Variants in RIMS1 observed in about 807,000 individuals in gnomAD.
RIMS1 encodes regulating synaptic membrane exocytosis protein 1.
A neutral mutation model predicts 214.1 loss-of-function variants in RIMS1; 83 were observed. The ratio of observed to expected loss-of-function variants is 0.39; its 90% CI spans 0.32 to 0.47. RIMS1 has a LOEUF of 0.47. RIMS1 is among the 20% of genes least tolerant of loss of function. The pLI is 0.99. For synonymous variants in RIMS1, 793 were observed against 786.8 expected, an observed-to-expected ratio of 1.01 and a Z score of -0.13; for missense variants, 2,050 against 2,161.8, an observed-to-expected ratio of 0.95 and a Z score of 1.03.
At chr6:72,359,401 G>C (rs1164291000) in intron 29 of RIMS1, among the ~76,000 whole-genome samples, 1 of 152,090 alleles carries the variant, frequency 6.6e-6, no homozygotes, top group Non-Finnish European at 1.5e-5. Context: ...GTCAAACATT[G>C]GTTATTAGGG....
At chr6:71,888,647 G>A (rs893585539) in intron 1 of RIMS1, among the ~76,000 whole-genome samples, 3 of 152,210 alleles carry the variant, frequency 2.0e-5, no homozygotes, top group Non-Finnish European at 4.4e-5. Context: ...AGATAGGGGA[G>A]GGGGATACTG....
At chr6:72,365,971 A>G (rs1438556167) in intron 29 of RIMS1, among the ~76,000 whole-genome samples, 1 of 152,184 alleles carries the variant, frequency 6.6e-6, no homozygotes, top group East Asian at 1.9e-4. Flanking sequence ...GACACTTACT[A>G]CTTCTTAACT....
Position 72,211,155 on chromosome 6 carries a change from G to A in RIMS1, c.1679-22618G>A, listed in dbSNP as rs1022771380. 2.6e-5 allele frequency among the ~76,000 whole-genome samples: 4 copies of A among 152,184 alleles called. 1 individual carries two copies. The East Asian group carries it at 5.8e-4, about 22-fold the overall frequency. On this transcript the variant is annotated intron_variant, in intron 6 of 33. Transcript: ENST00000521978. ...CTTGGTATTACTAAAAGGATCTGGA[G>A]TTTCCACATGTACAGATTAAAAGAC... is the stretch of plus-strand genomic sequence containing the variant.
At chr6:72,364,371 C>T (rs577466125) in intron 29 of RIMS1, among the ~76,000 whole-genome samples, 2 of 152,178 alleles carry the variant, frequency 1.3e-5, no homozygotes, top group Admixed American at 1.3e-4. Context: ...AAAATTATTC[C>T]ATAGAGCATG....
At chr6:72,352,089 G>A (rs948684382) in intron 29 of RIMS1, among the ~76,000 whole-genome samples, 19 of 152,312 alleles carry the variant, frequency 1.2e-4, no homozygotes, top group Middle Eastern at 6.8e-3. Context: ...CGAGGAGGTG[G>A]CACTGTCAGT....
chr6:72,041,493 C>A (rs1375438820), intron 2 of RIMS1, among the ~76,000 whole-genome samples: 6 of 151,786 alleles, frequency 4.0e-5, no homozygotes, highest in African/African-American at 7.2e-5. Context: ...AGATCAAACT[C>A]TTTTCTTAGG....
chr6:72,113,141 G>T (rs2036434987), intron 4 of RIMS1, among the ~76,000 whole-genome samples: 1 of 152,104 alleles, frequency 6.6e-6, no homozygotes, highest in Admixed American at 6.6e-5. Flanking sequence ...AGTTATTAAA[G>T]GCTTTTTCTG....
chr6:72,120,289 A>G (rs1002703314), intron 4 of RIMS1, among the ~76,000 whole-genome samples: 1 of 151,656 alleles, frequency 6.6e-6, no homozygotes, highest in Non-Finnish European at 1.5e-5. Context: ...AAGTGTTCCT[A>G]TTTCTCCACA....
intron 28 of RIMS1, among the ~76,000 whole-genome samples, chr6:72,327,529 A>G (rs2096520895): frequency 6.6e-6 from 1 of 151,776 alleles, no homozygotes; most frequent in Non-Finnish European, 1.5e-5. Flanking sequence ...TTGAGTATAT[A>G]CTTAGGAATG....
intron 2 of RIMS1, among the ~76,000 whole-genome samples, chr6:71,970,576 C>A (rs1795612759): frequency 6.6e-6 from 1 of 152,148 alleles, no homozygotes; most frequent in South Asian, 2.1e-4. Flanking sequence ...TAATTTTTCT[C>A]TTACTTTGTT....
At chr6:72,275,287 T>A (rs1023747099) in intron 23 of RIMS1, among the ~76,000 whole-genome samples, 1 of 151,490 alleles carries the variant, frequency 6.6e-6, no homozygotes, top group Non-Finnish European at 1.5e-5. Flanking sequence ...ATTGGTAATA[T>A]TTATTCAGCA....
chr6:72,232,423 A>G lies in RIMS1; in HGVS notation c.1679-1350A>G, dbSNP rs190377983. On this transcript the variant is annotated intron_variant, in intron 6 of 33. Transcript: ENST00000521978. ...AAATAGTAAATATGAAAGAGAAGAA[A>G]AGTTCTTTTCTGACTTCCTAATATT... Among the ~76,000 whole-genome samples the G allele has an allele frequency of 5.1e-3, 774 of 151,800 alleles. 4 individuals are homozygous for G. The highest frequency in any genetic ancestry group is 0.018 in the African/African-American group (736 of 41,528).
At chr6:72,098,957 T>A (rs937651643) in intron 3 of RIMS1, among the ~76,000 whole-genome samples, 1 of 152,206 alleles carries the variant, frequency 6.6e-6, no homozygotes, top group African/African-American at 2.4e-5. Context: ...CCTTCTATAG[T>A]GCTCTTTAAT....
Position 72,173,056 on chromosome 6 carries a change from T to C in RIMS1, c.472-6519T>C, listed in dbSNP as rs144320411. ...GGTAAATTTTCCAAGTTCTTCCAAA[T>C]TCTGAAAATTTCTTAAACTGCCTTA... On this transcript the variant is annotated intron_variant, in intron 4 of 33. Transcript: ENST00000521978. Among the ~76,000 whole-genome samples the C allele has an allele frequency of 3.2e-3, 493 of 152,316 alleles. 7 individuals are homozygous for C. The highest frequency in any genetic ancestry group is 0.011 in the African/African-American group (450 of 41,586).
intron 22 of RIMS1, among the ~76,000 whole-genome samples, chr6:72,266,722 G>T (rs2080744597): frequency 6.6e-6 from 1 of 151,910 alleles, no homozygotes; most frequent in South Asian, 2.1e-4. Context: ...CTATCTCCTA[G>T]CTGTAAGCAT....
chr6:72,249,521 C>A (rs765106483), intron 12 of RIMS1, among the ~76,000 whole-genome samples: 70 of 152,202 alleles, frequency 4.6e-4, no homozygotes, highest in East Asian at 3.9e-4. Flanking sequence ...CGGCTTGGTG[C>A]AGTGGCTCAC....
intron 2 of RIMS1, among the ~76,000 whole-genome samples, chr6:72,074,956 A>G (rs1012867691): frequency 4.6e-5 from 7 of 152,066 alleles, no homozygotes; most frequent in Non-Finnish European, 7.4e-5. Context: ...ATTTCTTTTT[A>G]ATTAAAAAAA....
chr6:72,236,783 T>TAAA (rs11326772), intron 8 of RIMS1, among the ~76,000 whole-genome samples: 6 of 128,510 alleles, frequency 4.7e-5, no homozygotes, highest in South Asian at 2.6e-4. Context: ...GCTGATGAGC[T>TAAA]AAAAAAAAAA....
Position 72,182,642 on chromosome 6 carries a change from A to G in RIMS1, c.1171A>G (p.Ser391Gly). The change falls in exon 6 of 34, where the codon AGC becomes GGC. Residue 391 changes from serine (S) to glycine (G), a missense_variant. Around this residue, in one of 6 missense-constraint regions of RIMS1, gnomAD observed 882 missense variants for 828.9 expected, o/e 1.06. Coordinates refer to ENST00000521978, the MANE Select transcript of RIMS1 (RefSeq NM_014989.7). ...CCGCGCCAGGCACGAGCGGCGCCACAGCGACGTGGCGCTCCCGCGCACCGA... is the reference window on the plus strand; with the variant it reads ...CCGCGCCAGGCACGAGCGGCGCCACGGCGACGTGGCGCTCCCGCGCACCGA... The part of the protein sequence containing the change: ...VSRARHERRH[S>G]DVALPRTEAG... The G allele has an allele frequency of 1.4e-5, 22 of 1,535,424 alleles. No homozygotes were observed. Among genetic ancestry groups the G allele is most frequent in the Non-Finnish European group, 1.9e-5 (22 of 1,140,340 alleles).
Sources: allele counts gnomAD v4.1 joint callset (sites outside exome capture counted in the v4.1 genomes callset), GRCh38; gene constraint gnomAD v4.1.1; regional missense constraint gnomAD v4.1.1; transcripts MANE v1.5; gene names NCBI Gene and HGNC (gene_info 2026-07-23, HGNC 2026-07-21).